The following RARB variants were observed in gnomAD, a reference collection of about 807,000 sequenced individuals.
RARB encodes the protein HBV-activated protein.
Under a neutral mutation model 51.9 loss-of-function variants are expected in RARB, and 17 were observed. That is an observed-to-expected ratio of 0.33 (90% CI 0.22 to 0.49). RARB has a LOEUF of 0.49. Among genes scored for constraint, RARB ranks in the 20% least tolerant of loss-of-function variants. The pLI is 0.99. For missense variants in RARB, 369 were observed against 550.8 expected (o/e 0.67, Z 3.30); for synonymous variants, 215 against 195.4 (o/e 1.10, Z -0.84).
intron 5 of RARB, among the ~76,000 whole-genome samples, chr3:25,322,521 T>C (rs1704601652): frequency 6.6e-6 from 1 of 152,198 alleles, no homozygotes; most frequent in Non-Finnish European, 1.5e-5. Flanking sequence ...AAATCATATA[T>C]ACCATTTTAA....
chr3:25,118,046 A>G (rs1699720123), intron 3 of RARB, among the ~76,000 whole-genome samples: 1 of 152,200 alleles, frequency 6.6e-6, no homozygotes, highest in Non-Finnish European at 1.5e-5. Context: ...GGAGGCAAAC[A>G]TGATTTATAG....
At chr3:25,107,320 C>T (rs1603986) in intron 3 of RARB, among the ~76,000 whole-genome samples, 92,686 of 152,072 alleles carry the variant, frequency 0.61, 28,730 homozygotes, top group East Asian at 0.87. Context: ...ATTTGTACTA[C>T]AGAACATCTA....
chr3:25,483,028 G>T (rs1696307785), intron 2 of RARB, among the ~76,000 whole-genome samples: 1 of 152,276 alleles, frequency 6.6e-6, no homozygotes, highest in South Asian at 2.1e-4. Flanking sequence ...CAGTTTGAAT[G>T]AGCCACATTT....
At chr3:25,503,164 A>G (rs1288463018) in intron 3 of RARB, among the ~76,000 whole-genome samples, 3 of 152,210 alleles carry the variant, frequency 2.0e-5, no homozygotes, top group Non-Finnish European at 2.9e-5. Context: ...CTCAAAATCC[A>G]TACATTTGAA....
chr3:25,201,187 A>T (rs1420504296), intron 5 of RARB, among the ~76,000 whole-genome samples: 3 of 151,858 alleles, frequency 2.0e-5, no homozygotes, highest in African/African-American at 7.3e-5. Context: ...ATTCTCTTTG[A>T]AGCAATTGTG....
intron 5 of RARB, among the ~76,000 whole-genome samples, chr3:25,322,414 A>G (rs1704598099): frequency 6.6e-6 from 1 of 152,206 alleles, no homozygotes; most frequent in African/African-American, 2.4e-5. Context: ...TAGAAAGTAA[A>G]ATATTGACTT....
chr3:25,123,198 G>T (rs772731323), intron 3 of RARB, among the ~76,000 whole-genome samples: 2 of 152,158 alleles, frequency 1.3e-5, no homozygotes, highest in African/African-American at 4.8e-5. Flanking sequence ...TCATTGACAG[G>T]TTTGTCTGTG....
chr3:25,086,827 G>T (rs767218697), intron 3 of RARB, among the ~76,000 whole-genome samples: 1 of 152,092 alleles, frequency 6.6e-6, no homozygotes, highest in Non-Finnish European at 1.5e-5. Flanking sequence ...ATAAGGGACC[G>T]TGGAGAACAA....
intron 1 of RARB, among the ~76,000 whole-genome samples, chr3:25,433,068 A>C (rs570991127): frequency 2.4e-4 from 36 of 152,340 alleles, no homozygotes; most frequent in African/African-American, 8.4e-4. Flanking sequence ...AATTAAATAG[A>C]TTATTTCAGA....
intron 1 of RARB, among the ~76,000 whole-genome samples, chr3:24,850,481 T>C (rs1437757266): frequency 1.3e-5 from 2 of 152,166 alleles, no homozygotes; most frequent in African/African-American, 4.8e-5. Flanking sequence ...GGGCAGGAAG[T>C]AGATAAATGT....
intron 5 of RARB, among the ~76,000 whole-genome samples, chr3:25,353,547 T>C (rs2125458778): frequency 6.6e-6 from 1 of 151,734 alleles, no homozygotes; most frequent in Middle Eastern, 3.4e-3. Flanking sequence ...AAATTAACCA[T>C]AAGATTGATA....
chr3:24,961,173 T>C (rs1696132102), intron 2 of RARB, among the ~76,000 whole-genome samples: 1 of 152,218 alleles, frequency 6.6e-6, no homozygotes, highest in African/African-American at 2.4e-5. Context: ...TAGAATTCGA[T>C]TGCAAATTTT....
intron 5 of RARB, among the ~76,000 whole-genome samples, chr3:25,360,332 T>A (rs555681684): frequency 1.1e-4 from 16 of 152,320 alleles, no homozygotes; most frequent in Admixed American, 9.8e-4. Flanking sequence ...GCTTGGTAAA[T>A]CTTCTTCCAT....
chr3:25,391,304 A>G, intron 5 of RARB, among the ~76,000 whole-genome samples: 1 of 152,038 alleles, frequency 6.6e-6, no homozygotes, highest in South Asian at 2.1e-4. Context: ...TCTTATGGGC[A>G]TTTGGGCTGG....
At chr3:25,255,559 A>G (rs1276434749) in intron 5 of RARB, among the ~76,000 whole-genome samples, 1 of 152,186 alleles carries the variant, frequency 6.6e-6, no homozygotes, top group African/African-American at 2.4e-5. Flanking sequence ...AAGTGAAAAA[A>G]TAAAAGCTAA....
At chr3:25,399,711 A>T (rs75084586) in intron 5 of RARB, among the ~76,000 whole-genome samples, 5 of 152,162 alleles carry the variant, frequency 3.3e-5, no homozygotes, top group Non-Finnish European at 7.3e-5. Context: ...ATGGAACTCA[A>T]TCCTAGCTGG....
chr3:25,034,978 G>A (rs553665425), intron 2 of RARB, among the ~76,000 whole-genome samples: 3 of 152,280 alleles, frequency 2.0e-5, no homozygotes, highest in Non-Finnish European at 4.4e-5. Flanking sequence ...TTGACACGAA[G>A]GCTGCACATG....
At chr3:24,869,520 C>CA (rs1702908166) in intron 2 of RARB, among the ~76,000 whole-genome samples, 1 of 152,020 alleles carries the variant, frequency 6.6e-6, no homozygotes, top group Non-Finnish European at 1.5e-5. Flanking sequence ...AATCCCTTCA[C>CA]AAAACTAGTT....
chr3:25,335,311 G>C (rs1015602733), intron 5 of RARB, among the ~76,000 whole-genome samples: 1 of 152,208 alleles, frequency 6.6e-6, no homozygotes, highest in Non-Finnish European at 1.5e-5. Flanking sequence ...CACAATGCTA[G>C]AAGGCCATCC....
Sources: gnomAD v4.1 joint callset for allele counts (sites outside exome capture counted in the v4.1 genomes callset) on GRCh38, gnomAD v4.1.1 for gene constraint, MANE v1.5 for transcripts, NCBI Gene and HGNC (gene_info 2026-07-23, HGNC 2026-07-21) for gene names.